Variants in ACYP2 observed in about 807,000 individuals in gnomAD.
ACYP2 encodes the protein acylphosphatase-2.
In ACYP2, 12 loss-of-function variants were observed where a neutral mutation model predicts 11.2. That is an observed-to-expected ratio of 1.08 (90% CI 0.69 to 1.74). ACYP2 has a LOEUF of 1.74. Among genes scored for constraint, ACYP2 ranks in the 40% most tolerant of loss-of-function variants. The pLI is 0.00. For missense variants in ACYP2, 134 were observed against 101.9 expected, an observed-to-expected ratio of 1.31 and a Z score of -1.35; for synonymous variants, 43 against 32.2, an observed-to-expected ratio of 1.33 and a Z score of -1.13.
chr2:54,304,973 A>G lies in ACYP2; in HGVS notation c.*171A>G. ...GACACTGAAATAATTTTACTCAACT[A>G]TGTTTTCAACAAGCAAAAATATAGT... On this transcript the variant is annotated 3_prime_UTR_variant, in exon 7 of 7. Coordinates refer to ENST00000607452, the MANE Select transcript of ACYP2 (RefSeq NM_001320586.2). 2.4e-6 allele frequency: 1 copy of G among 415,584 alleles called. No individual in the cohort carries two copies. The highest frequency in any genetic ancestry group is 4.0e-5 in the Admixed American group (1 of 25,074). 25.7% of individuals were successfully genotyped at this position (415,584 alleles called of 1,614,324 possible).
At chr2:54,264,974 A>G (rs571518677) in intron 6 of ACYP2, among the ~76,000 whole-genome samples, 1 of 152,382 alleles carries the variant, frequency 6.6e-6, no homozygotes, top group East Asian at 1.9e-4. Flanking sequence ...AAGTTCAACT[A>G]CAATGCCAAA....
At chr2:53,991,952 C>G (rs1425710102) in intron 2 of ACYP2, among the ~76,000 whole-genome samples, 3 of 152,012 alleles carry the variant, frequency 2.0e-5, no homozygotes, top group Middle Eastern at 3.2e-3. Flanking sequence ...AGGCACATGA[C>G]ACCACACCCA....
intron 2 of ACYP2, among the ~76,000 whole-genome samples, chr2:54,034,981 G>A (rs1447718353): frequency 1.7e-5 from 2 of 120,860 alleles, no homozygotes; most frequent in African/African-American, 6.0e-5. Context: ...CTGCACTCCA[G>A]CCCAGGCGAC....
chr2:54,070,990 A>T (rs1677012407), intron 4 of ACYP2, among the ~76,000 whole-genome samples: 1 of 152,058 alleles, frequency 6.6e-6, no homozygotes, highest in Admixed American at 6.6e-5. Context: ...GAGCTCAAGC[A>T]GTCTGCCTGC....
intron 6 of ACYP2, among the ~76,000 whole-genome samples, chr2:54,262,076 A>G (rs1687805544): frequency 6.6e-6 from 1 of 152,238 alleles, no homozygotes; most frequent in South Asian, 2.1e-4. Context: ...GAAAGAAAAT[A>G]TACATTATTG....
At chr2:54,099,201 GT>G (rs1678753582) in intron 4 of ACYP2, among the ~76,000 whole-genome samples, 1 of 152,138 alleles carries the variant, frequency 6.6e-6, no homozygotes. Flanking sequence ...GTACAAATAT[GT>G]TTTGAAATAT....
intron 4 of ACYP2, among the ~76,000 whole-genome samples, chr2:54,080,904 G>A (rs1486071425): frequency 6.6e-6 from 1 of 152,092 alleles, no homozygotes; most frequent in Non-Finnish European, 1.5e-5. Flanking sequence ...AGGATTATAG[G>A]GGTTAGCCAC....
chr2:54,233,346 G>A (rs1288478452), intron 6 of ACYP2, among the ~76,000 whole-genome samples: 2 of 147,400 alleles, frequency 1.4e-5, no homozygotes, highest in African/African-American at 5.1e-5. Flanking sequence ...TCACACTGTG[G>A]CCCAAGCTGG....
chr2:54,186,160 T>A (rs73935094), intron 6 of ACYP2, among the ~76,000 whole-genome samples: 13 of 152,246 alleles, frequency 8.5e-5, no homozygotes, highest in African/African-American at 3.1e-4. Flanking sequence ...AAAAGAATGC[T>A]AGCACAACAT....
intron 4 of ACYP2, among the ~76,000 whole-genome samples, chr2:54,061,011 A>G (rs1429973809): frequency 6.6e-6 from 1 of 152,136 alleles, no homozygotes; most frequent in African/African-American, 2.4e-5. Flanking sequence ...TGCCATATAT[A>G]TTTTAATTAA....
chr2:54,229,759 TAA>T (rs1686154525), intron 6 of ACYP2, among the ~76,000 whole-genome samples: 2 of 152,230 alleles, frequency 1.3e-5, no homozygotes, highest in South Asian at 4.1e-4. Flanking sequence ...TAAATACTGT[TAA>T]GAGTCCCCCA....
At chr2:54,275,548 G>A (rs1158585638) in intron 6 of ACYP2, among the ~76,000 whole-genome samples, 1 of 152,154 alleles carries the variant, frequency 6.6e-6, no homozygotes, top group East Asian at 1.9e-4. Context: ...TAAAATCAGG[G>A]AATAATTTAG....
At chr2:54,195,833 C>T (rs1481612472) in intron 6 of ACYP2, among the ~76,000 whole-genome samples, 1 of 99,750 alleles carries the variant, frequency 1.0e-5, no homozygotes, top group Non-Finnish European at 1.9e-5. Context: ...AGTTTTGTTC[C>T]ATCGCCTAGG....
chr2:54,112,073 T>C (rs532192118), intron 4 of ACYP2, among the ~76,000 whole-genome samples: 1 of 152,346 alleles, frequency 6.6e-6, no homozygotes, highest in South Asian at 2.1e-4. Flanking sequence ...ATATAGATAA[T>C]ACACACATGT....
At chr2:54,262,261 A>C (rs1057400278) in intron 6 of ACYP2, among the ~76,000 whole-genome samples, 2 of 152,228 alleles carry the variant, frequency 1.3e-5, no homozygotes, top group Non-Finnish European at 2.9e-5. Flanking sequence ...AAAATGATGC[A>C]ACTGCTGTTA....
chr2:54,257,593 T>C (rs1035104628), intron 6 of ACYP2, among the ~76,000 whole-genome samples: 8 of 152,048 alleles, frequency 5.3e-5, no homozygotes, highest in East Asian at 1.9e-4. Flanking sequence ...CCAAAGGACA[T>C]AGAGAAAAGG....
chr2:54,125,515 C>T (rs1398465834), intron 4 of ACYP2, among the ~76,000 whole-genome samples: 3 of 152,026 alleles, frequency 2.0e-5, no homozygotes, highest in Admixed American at 6.5e-5. Context: ...TTTGGGAGGC[C>T]GAGGCGAGCA....
chr2:54,277,983 T>C (rs1362492732), intron 6 of ACYP2, among the ~76,000 whole-genome samples: 1 of 152,108 alleles, frequency 6.6e-6, no homozygotes, highest in Non-Finnish European at 1.5e-5. Flanking sequence ...AATTTATTTA[T>C]TTATGTATTT....
intron 6 of ACYP2, among the ~76,000 whole-genome samples, chr2:54,299,981 C>T (rs920550546): frequency 6.6e-6 from 1 of 152,160 alleles, no homozygotes; most frequent in African/African-American, 2.4e-5. Flanking sequence ...TCACTTTATT[C>T]AATCCCTCAA....
Sources: gnomAD v4.1 joint callset for allele counts (sites outside exome capture counted in the v4.1 genomes callset) on GRCh38, gnomAD v4.1.1 for gene constraint, MANE v1.5 for transcripts, NCBI Gene and HGNC (gene_info 2026-07-23, HGNC 2026-07-21) for gene names.